Variants in PHF2 observed in about 807,000 individuals in gnomAD.
PHF2 encodes PHD finger protein 2.
PHF2 carries 27 observed loss-of-function variants against 120.5 expected under a neutral mutation model. The ratio of observed to expected loss-of-function variants is 0.22; its 90% CI spans 0.17 to 0.31. PHF2 has a LOEUF of 0.31. PHF2 is among the 10% of genes least tolerant of loss of function. The pLI is 1.00. For synonymous variants in PHF2, 568 were observed against 592.5 expected, an observed-to-expected ratio of 0.96 and a Z score of 0.60; for missense variants, 1,024 against 1,434.8, an observed-to-expected ratio of 0.71 and a Z score of 4.63.
chr9:93,577,462 C>G (rs1250562395), intron 1 of PHF2, among the ~76,000 whole-genome samples: 1 of 152,078 alleles, frequency 6.6e-6, no homozygotes, highest in Admixed American at 6.5e-5. Flanking sequence ...CCGGCGAGCT[C>G]CCTTGGACCT....
chr9:93,599,423 C>A (rs375878824), intron 1 of PHF2, among the ~76,000 whole-genome samples: 2 of 152,178 alleles, frequency 1.3e-5, no homozygotes, highest in East Asian at 3.9e-4. Context: ...AGAAGTGGGA[C>A]CCCATTGGGA....
intron 1 of PHF2, 78 bp downstream of exon 1, chr9:93,576,949 G>A (rs1442248459): frequency 1.7e-6 from 1 of 586,980 alleles, no homozygotes. Context: ...GCCCCCGGCT[G>A]CGCGCCCGCA....
Position 93,679,229 on chromosome 9 carries a change from C to T in PHF2, c.*1553C>T. 2 of 456,214 alleles carry T rather than the reference C, an allele frequency of 4.4e-6. No homozygotes were observed. The highest frequency in any genetic ancestry group is 8.8e-6 in the Non-Finnish European group (2 of 226,940). 28.3% of individuals were successfully genotyped at this position (456,214 alleles called of 1,614,324 possible). ...AGAGGCAGCTTGGTGGAGGCCTTAT[C>T]CACTCCCACTTGTCCTGTTTGGAGG... On this transcript the variant is annotated 3_prime_UTR_variant, in exon 22 of 22. Coordinates refer to ENST00000359246, the MANE Select transcript of PHF2 (RefSeq NM_005392.4).
In PHF2 at chr9:93,636,446, G is replaced by A. The variant is rs1447231437; in HGVS notation, c.220G>A (p.Gly74Arg). Residue 74 changes from glycine (G) to arginine (R), a missense_variant, in exon 3 of 22, where the codon GGG (glycine) becomes AGG (arginine). By Grantham distance (125) the Gly-to-Arg change is moderately radical. Around this residue, in one of 2 missense-constraint regions of PHF2, gnomAD observed 347 missense variants for 577.4 expected, o/e 0.60. Transcript: ENST00000359246. ...KKRTWHKHGP[G>R]QAPDVKPVQN... ...GCGGACCTGGCACAAACACGGCCCG[G>A]GGCAAGCGCCTGACGTCAAGCCCGT... 6.2e-7 allele frequency: 1 copy of A among 1,610,490 alleles called. No homozygotes were observed.
chr9:93,646,123 G>C (rs1009972553), intron 4 of PHF2, among the ~76,000 whole-genome samples: 1 of 152,162 alleles, frequency 6.6e-6, no homozygotes, highest in African/African-American at 2.4e-5. Context: ...CTGGTGGTGC[G>C]GGCCCATGTT....
chr9:93,650,909 A>G (rs942477140), intron 5 of PHF2, among the ~76,000 whole-genome samples: 2 of 152,108 alleles, frequency 1.3e-5, no homozygotes, highest in Non-Finnish European at 2.9e-5. Flanking sequence ...GAAACAAAAG[A>G]ATTATCTAAA....
At chr9:93,601,644 T>C (rs1825440162) in intron 1 of PHF2, among the ~76,000 whole-genome samples, 3 of 152,066 alleles carry the variant, frequency 2.0e-5, no homozygotes, top group African/African-American at 7.2e-5. Context: ...GATCAGGGGA[T>C]GGCTCAGTGT....
chr9:93,576,746 GGGCCGAGCGGCGGCGCGGCGC>G lies in PHF2; in HGVS notation c.-24_-4del. 8.8e-7 allele frequency: 1 copy of G among 1,135,026 alleles called. No individual in the cohort carries two copies. Among genetic ancestry groups the G allele is most frequent in the Non-Finnish European group, 1.1e-6 (1 of 894,218 alleles). The allele number at this position is 1,135,026 out of a possible 1,614,324, so 70.3% of individuals were successfully genotyped here. ...GACCGACCCGGGCAGCGCAGCGGCG[GGGCCGAGCGGCGGCGCGGCGC>G]GGCAACATGGCGACGGTGCCCGTGT... On this transcript the variant is annotated 5_prime_UTR_variant, in exon 1 of 22. Coordinates refer to ENST00000359246, the MANE Select transcript of PHF2 (RefSeq NM_005392.4).
intron 9 of PHF2, among the ~76,000 whole-genome samples, chr9:93,657,271 A>G (rs1395495021): frequency 6.6e-6 from 1 of 152,020 alleles, no homozygotes; most frequent in Non-Finnish European, 1.5e-5. Context: ...AGCAGCCAAG[A>G]GCTCTTTTAT....
chr9:93,597,342 C>T (rs1825354182), intron 1 of PHF2, among the ~76,000 whole-genome samples: 1 of 152,320 alleles, frequency 6.6e-6, no homozygotes, highest in Middle Eastern at 3.4e-3. Context: ...GCTCCTGGGA[C>T]TCCACACCCT....
chr9:93,582,239 A>G (rs1862945164), intron 1 of PHF2, among the ~76,000 whole-genome samples: 1 of 152,136 alleles, frequency 6.6e-6, no homozygotes, highest in Admixed American at 6.6e-5. Context: ...GGTGCAGGTG[A>G]GGAGGTGGCA....
intron 3 of PHF2, among the ~76,000 whole-genome samples, chr9:93,637,785 G>A (rs1156725026): frequency 6.6e-6 from 1 of 152,156 alleles, no homozygotes; most frequent in East Asian, 1.9e-4. Context: ...GTGGACATAT[G>A]CTTTTATTGT....
chr9:93,645,516 A>C (rs1340183022), intron 3 of PHF2, 113 bp from the exon 4 acceptor site: 1 of 1,076,864 alleles, frequency 9.3e-7, no homozygotes, highest in East Asian at 2.7e-5. Context: ...TGGCTGTGGG[A>C]GGTGGGTGGC....
chr9:93,618,267 C>T (rs1016821914), intron 1 of PHF2, among the ~76,000 whole-genome samples: 1 of 152,272 alleles, frequency 6.6e-6, no homozygotes, highest in African/African-American at 2.4e-5. Context: ...ACACAGCCCT[C>T]CACCCCATTC....
intron 1 of PHF2, among the ~76,000 whole-genome samples, chr9:93,608,378 A>G (rs1391979944): frequency 6.8e-6 from 1 of 147,908 alleles, no homozygotes; most frequent in African/African-American, 2.5e-5. Context: ...GAATTTTTGC[A>G]TGAGAAATAT....
At chr9:93,667,499 G>A (rs529312287) in intron 17 of PHF2, among the ~76,000 whole-genome samples, 4 of 152,278 alleles carry the variant, frequency 2.6e-5, no homozygotes, top group South Asian at 2.1e-4. Flanking sequence ...TTTATGTGCC[G>A]AGACTGTTGT....
At chr9:93,647,533 A>C (rs1201637867) in intron 4 of PHF2, among the ~76,000 whole-genome samples, 1 of 152,216 alleles carries the variant, frequency 6.6e-6, no homozygotes, top group Non-Finnish European at 1.5e-5. Flanking sequence ...ACCAGAAACA[A>C]AAGCCACCAG....
At chr9:93,632,576 C>T (rs1239420165) in intron 2 of PHF2, among the ~76,000 whole-genome samples, 1 of 152,162 alleles carries the variant, frequency 6.6e-6, no homozygotes, top group Non-Finnish European at 1.5e-5. Context: ...GCCATGTCCT[C>T]ATATGGTGGA....
At chr9:93,620,927 C>G (rs927415045) in intron 1 of PHF2, among the ~76,000 whole-genome samples, 4 of 152,240 alleles carry the variant, frequency 2.6e-5, no homozygotes, top group African/African-American at 9.6e-5. Flanking sequence ...AGGATGGCCC[C>G]TAATGGAGCT....
Sources: gnomAD v4.1 joint callset for allele counts (sites outside exome capture counted in the v4.1 genomes callset) on GRCh38, gnomAD v4.1.1 for gene constraint, gnomAD v4.1.1 regional missense constraint, MANE v1.5 for transcripts, NCBI Gene and HGNC (gene_info 2026-07-23, HGNC 2026-07-21) for gene names.